Variants in MAP3K9 observed in about 807,000 individuals in gnomAD.
The protein encoded by MAP3K9 is mitogen-activated protein kinase kinase kinase 9, also known as mixed lineage kinase 1 (tyr and ser/thr specificity).
In MAP3K9, 46 loss-of-function variants were observed where a neutral mutation model predicts 95.8. The ratio of observed to expected loss-of-function variants is 0.48; its 90% CI spans 0.38 to 0.61. MAP3K9 has a LOEUF of 0.61. Among genes scored for constraint, MAP3K9 ranks in the 20% least tolerant of loss-of-function variants. The pLI is 0.00. For synonymous variants in MAP3K9, 533 were observed against 593.8 expected, an observed-to-expected ratio of 0.90 and a Z score of 1.49; for missense variants, 1,296 against 1,474.3, an observed-to-expected ratio of 0.88 and a Z score of 1.98.
chr14:70,729,988 C>T lies in MAP3K9; in HGVS notation c.*392G>A, dbSNP rs112296367. The T allele has an allele frequency of 3.5e-3, 656 of 189,530 alleles. 4 individuals carry two copies. Among genetic ancestry groups the T allele is most frequent in the African/African-American group, 0.015 (629 of 42,794 alleles). 11.7% of individuals were successfully genotyped at this position (189,530 alleles called of 1,614,324 possible). The stretch of plus-strand genomic sequence containing the variant: ...ACACTGGTGTTTGGGAAGCTGAACT[C>T]GGGGCTGACAAAGGGACCCTATGAC... On this transcript the variant is annotated 3_prime_UTR_variant, in exon 12 of 12. Transcript: ENST00000554752.
intron 2 of MAP3K9, among the ~76,000 whole-genome samples, chr14:70,774,171 A>G (rs1385978297): frequency 6.6e-6 from 1 of 152,228 alleles, no homozygotes; most frequent in Non-Finnish European, 1.5e-5. Context: ...GAAAGCCTGT[A>G]TGTATCAGGC....
In MAP3K9 at chr14:70,800,785, C is replaced by T. The variant is rs1454621812; in HGVS notation, c.702G>A (p.Gly234=). ...RGGPLNRVLS[G]KRIPPDILVN... ...CCAGGATGTCTGGGGGAATCCTTTT[C>T]CCAGATAACACTCTATTCAAAGGTC... is the stretch of plus-strand genomic sequence containing the variant. The change falls in exon 2 of 12, where the codon GGG becomes GGA. Residue 234 remains glycine, a synonymous_variant. Transcript: ENST00000554752. 5.0e-6 allele frequency: 8 copies of T among 1,614,036 alleles called. No homozygotes were observed. Among genetic ancestry groups the T allele is most frequent in the Non-Finnish European group, 5.9e-6 (7 of 1,180,048 alleles).
chr14:70,761,228 C>T, intron 2 of MAP3K9, 46 bp from the exon 3 acceptor site: 1 of 1,489,232 alleles, frequency 6.7e-7, no homozygotes, highest in Non-Finnish European at 9.2e-7. Context: ...CTGCATTAAT[C>T]ACAGGGAAAC....
intron 2 of MAP3K9, among the ~76,000 whole-genome samples, chr14:70,786,977 A>C (rs1234946404): frequency 6.6e-6 from 1 of 152,192 alleles, no homozygotes; most frequent in Non-Finnish European, 1.5e-5. Flanking sequence ...AGAAACAAAA[A>C]CAAATTTTAA....
chr14:70,790,634 A>G (rs1218987993), intron 2 of MAP3K9, among the ~76,000 whole-genome samples: 2 of 152,224 alleles, frequency 1.3e-5, no homozygotes, highest in Non-Finnish European at 2.9e-5. Context: ...TTTTCCCTCC[A>G]AAATGAATGT....
At chr14:70,787,249 C>G (rs547171913) in intron 2 of MAP3K9, among the ~76,000 whole-genome samples, 1 of 152,208 alleles carries the variant, frequency 6.6e-6, no homozygotes, top group South Asian at 2.1e-4. Context: ...TGGCTCACAC[C>G]TGTAATCCTA....
chr14:70,799,251 G>C (rs8021260), intron 2 of MAP3K9, among the ~76,000 whole-genome samples: 152,130 of 152,244 alleles, frequency 1, 76,009 homozygotes, highest in Middle Eastern at 1. Flanking sequence ...AATCCTCTTC[G>C]CCCTCAAGCC....
At chr14:70,732,470 G>A in intron 11 of MAP3K9, 69 bp downstream of exon 11, 1 of 1,489,040 alleles carries the variant, frequency 6.7e-7, no homozygotes, top group Non-Finnish European at 8.9e-7. Context: ...GAGAAAATGA[G>A]GCCTGCAAAC....
intron 3 of MAP3K9, among the ~76,000 whole-genome samples, 171 bp downstream of exon 3, chr14:70,760,831 G>C (rs1044375655): frequency 2.0e-5 from 3 of 152,160 alleles, no homozygotes; most frequent in Admixed American, 6.5e-5. Context: ...GAAAGCATTA[G>C]AAACTGTCCC....
intron 2 of MAP3K9, among the ~76,000 whole-genome samples, chr14:70,775,706 G>C (rs1413813116): frequency 6.6e-6 from 1 of 152,180 alleles, no homozygotes; most frequent in South Asian, 2.1e-4. Context: ...GTTTAGAACA[G>C]AAGAGAACTG....
At position 70,732,807 on chromosome 14, in the gene MAP3K9, G is replaced by T. The variant is rs200036746; in HGVS notation, c.2562C>A (p.Ser854Arg). 6.2e-7 allele frequency: 1 copy of T among 1,613,926 alleles called. No individual in the cohort carries two copies. Among genetic ancestry groups the T allele is most frequent in the Admixed American group, 1.7e-5 (1 of 60,000 alleles). Residue 854 changes from serine (S) to arginine (R), a missense_variant, in exon 11 of 12, where the codon AGC becomes AGA. Physicochemically the swap from Ser to Arg is moderately radical, Grantham distance 110 (BLOSUM62 -1). Transcript: ENST00000554752. ...NSTRSLLRSD[S>R]DEIVVYEMPV... ...GCATCTCATACACGACAATTTCATC[G>T]CTGTCGGAGCGCAGCAGGGAGCGTG...
At chr14:70,753,992 G>T (rs1293188928) in intron 3 of MAP3K9, among the ~76,000 whole-genome samples, 1 of 152,192 alleles carries the variant, frequency 6.6e-6, no homozygotes, top group Admixed American at 6.5e-5. Flanking sequence ...GAAAGGAGGT[G>T]ACCAGTCTCC....
At chr14:70,803,752 A>T (rs2054959584) in intron 1 of MAP3K9, among the ~76,000 whole-genome samples, 1 of 152,216 alleles carries the variant, frequency 6.6e-6, no homozygotes, top group Middle Eastern at 3.2e-3. Flanking sequence ...TTATCACCTT[A>T]TCCAGCAATC....
At chr14:70,758,105 A>G (rs2054321082) in intron 3 of MAP3K9, among the ~76,000 whole-genome samples, 1 of 152,202 alleles carries the variant, frequency 6.6e-6, no homozygotes, top group Non-Finnish European at 1.5e-5. Context: ...GAAAGTGGAA[A>G]AACAATCTAC....
At chr14:70,784,685 G>A (rs2054725724) in intron 2 of MAP3K9, among the ~76,000 whole-genome samples, 2 of 152,220 alleles carry the variant, frequency 1.3e-5, no homozygotes, top group Admixed American at 1.3e-4. Flanking sequence ...GGAGGCCACT[G>A]TACTCCAGCC....
intron 5 of MAP3K9, among the ~76,000 whole-genome samples, chr14:70,744,860 T>C (rs2054123649): frequency 6.6e-6 from 1 of 152,162 alleles, no homozygotes; most frequent in African/African-American, 2.4e-5. Context: ...GAATTGCATC[T>C]TGTGACCCAA....
In MAP3K9 at chr14:70,738,363, T is replaced by C; in HGVS notation, c.1726A>G (p.Ser576Gly). 2 of 1,613,972 alleles carry C rather than the reference T, an allele frequency of 1.2e-6. No individual in the cohort carries two copies. The highest frequency in any genetic ancestry group is 2.2e-5 in the South Asian group (2 of 91,028). The change falls in exon 8 of 12, where the codon AGC becomes GGC. Residue 576 changes from serine (S) to glycine (G), a missense_variant. Transcript: ENST00000554752. ...CCTTCCTCCTTTGGGACGACTGAGCTCCTGCCCCAGGTTTTGCTGCTTTCA... is the reference window on the plus strand; with the variant it reads ...CCTTCCTCCTTTGGGACGACTGAGCCCCTGCCCCAGGTTTTGCTGCTTTCA... ...PGESSKTWGR[S>G]SVVPKEEGEE...
In MAP3K9 at chr14:70,808,982, C is replaced by G. The variant is rs1165857994; in HGVS notation, c.190G>C (p.Glu64Gln). 2.6e-6 allele frequency: 4 copies of G among 1,563,986 alleles called. No individual in the cohort carries two copies. The highest frequency in any genetic ancestry group is 1.2e-5 in the South Asian group (1 of 85,258). Residue 64 changes from glutamate to glutamine, a missense_variant, in exon 1 of 12, where the codon GAG becomes CAG. By Grantham distance (29) the Glu-to-Gln change is conservative. Coordinates refer to ENST00000554752, the MANE Select transcript of MAP3K9 (RefSeq NM_001284230.2). ...GTCAGCTCGTCCTCGCCCGCCGCCTCGTACTCGAACACGGCCGTCCAGTAG... is the reference window on the plus strand; with the variant it reads ...GTCAGCTCGTCCTCGCCCGCCGCCTGGTACTCGAACACGGCCGTCCAGTAG... ...LPYWTAVFEY[E>Q]AAGEDELTLR...
rs1594820381 is a variant in MAP3K9 at position 70,808,823 on chromosome 14, A to C, written c.349T>G (p.Phe117Val). 6.3e-7 allele frequency: 1 copy of C among 1,594,808 alleles called. No individual in the cohort carries two copies. The highest frequency in any genetic ancestry group is 8.5e-7 in the Non-Finnish European group (1 of 1,173,664). ...CCGCCGGGCTGGCAGCGGCTGGAGA[A>C]GGCGCTGCGCGGGGTCACGTAGTTG... is the stretch of plus-strand genomic sequence containing the variant. ...PSNYVTPRSA[F>V]SSRCQPGGED... Residue 117 changes from phenylalanine (F) to valine (V), a missense_variant, in exon 1 of 12, where the codon TTC becomes GTC. Physicochemically the swap from Phe to Val is conservative, Grantham distance 50. Around this residue, in one of 5 missense-constraint regions of MAP3K9, gnomAD observed 338 missense variants for 363.4 expected, o/e 0.93. Transcript: ENST00000554752.
Sources: gnomAD v4.1 joint callset for allele counts (sites outside exome capture counted in the v4.1 genomes callset) on GRCh38, gnomAD v4.1.1 for gene constraint, gnomAD v4.1.1 regional missense constraint, MANE v1.5 for transcripts, NCBI Gene and HGNC (gene_info 2026-07-23, HGNC 2026-07-21) for gene names.